RELCH: variants seen among roughly 807,000 people sequenced by gnomAD.
RELCH encodes RAB11 binding and LisH domain, coiled-coil and HEAT repeat containing.
A neutral mutation model predicts 150.3 loss-of-function variants in RELCH; 41 were observed. The observed-to-expected ratio is 0.27, with a 90% CI of 0.21 to 0.35. RELCH has a LOEUF of 0.35. Ranked by LOEUF, RELCH falls within the 10% of genes least tolerant of loss-of-function variation. RELCH has a pLI of 1.00. For synonymous variants in RELCH, 478 were observed against 531.8 expected (o/e 0.90, Z 1.39); for missense variants, 1,092 against 1,467.8 (o/e 0.74, Z 4.18).
At position 62,221,288 on chromosome 18, in the gene RELCH, G is replaced by A; in HGVS notation, c.744+14G>A. 1 of 1,598,452 alleles carries A rather than the reference G, an allele frequency of 6.3e-7. No individual in the cohort carries two copies. The highest frequency in any genetic ancestry group is 8.6e-7 in the Non-Finnish European group (1 of 1,166,390). Reference sequence around the variant, plus strand: ...CCTGAAATTCAGGTGGGTGACAGAAGACAAATGTAAAATTAATCTTCCACA... The same window carrying A: ...CCTGAAATTCAGGTGGGTGACAGAAAACAAATGTAAAATTAATCTTCCACA... On this transcript the variant is annotated intron_variant, in intron 4 of 28. Coordinates refer to ENST00000644646, the MANE Select transcript of RELCH (RefSeq NM_001346231.2).
intron 27 of RELCH, among the ~76,000 whole-genome samples, chr18:62,294,945 T>C (rs1037936597): frequency 1.3e-5 from 2 of 152,210 alleles, no homozygotes; most frequent in Non-Finnish European, 2.9e-5. Context: ...GTGCCTGTTA[T>C]TGGGGAACAT....
chr18:62,233,235 C>T (rs1712765768), intron 10 of RELCH, among the ~76,000 whole-genome samples: 1 of 151,446 alleles, frequency 6.6e-6, no homozygotes, highest in South Asian at 2.1e-4. Flanking sequence ...TTATTGAACT[C>T]TTTGAGATAA....
At chr18:62,299,535 C>T (rs751447282) in intron 28 of RELCH, among the ~76,000 whole-genome samples, 1 of 152,126 alleles carries the variant, frequency 6.6e-6, no homozygotes, top group Non-Finnish European at 1.5e-5. Context: ...CGCATACGCT[C>T]CTCCCTATTC....
At chr18:62,290,125 T>G (rs1318160495) in intron 26 of RELCH, among the ~76,000 whole-genome samples, 1 of 152,206 alleles carries the variant, frequency 6.6e-6, no homozygotes, top group Non-Finnish European at 1.5e-5. Context: ...CTGTGAACAA[T>G]TTTTATTTAT....
chr18:62,254,508 A>AG (rs1392726446), intron 12 of RELCH, among the ~76,000 whole-genome samples: 2 of 68,298 alleles, frequency 2.9e-5, no homozygotes, highest in African/African-American at 9.3e-5. Flanking sequence ...GTTGACATTC[A>AG]AACATTCTAC....
At chr18:62,284,662 CA>C (rs2044699039) in intron 25 of RELCH, among the ~76,000 whole-genome samples, 1 of 152,008 alleles carries the variant, frequency 6.6e-6, no homozygotes, top group African/African-American at 2.4e-5. Flanking sequence ...TATTTATAGA[CA>C]ATTGGCTTTG....
intron 23 of RELCH, 62 bp from the exon 24 acceptor site, chr18:62,280,584 A>G: frequency 7.4e-7 from 1 of 1,358,174 alleles, no homozygotes; most frequent in Admixed American, 1.7e-5. Flanking sequence ...TTTAATATAC[A>G]TTTTAATAAT....
At chr18:62,287,256 T>G (rs1412889942) in intron 25 of RELCH, 95 bp from the exon 26 acceptor site, 2 of 684,814 alleles carry the variant, frequency 2.9e-6, no homozygotes, top group Non-Finnish European at 5.2e-6. Context: ...AAAATGAAAT[T>G]TCATAAATTA....
intron 25 of RELCH, among the ~76,000 whole-genome samples, chr18:62,283,516 C>T (rs76645136): frequency 0.017 from 2,602 of 152,148 alleles, 88 homozygotes; most frequent in East Asian, 0.13. Context: ...TCCAGGCTGG[C>T]ATATGACTCT....
intron 2 of RELCH, among the ~76,000 whole-genome samples, chr18:62,217,085 T>C (rs1430163698): frequency 6.6e-6 from 1 of 152,014 alleles, no homozygotes; most frequent in African/African-American, 2.4e-5. Context: ...AAAGAATACA[T>C]CATTGTGGTG....
chr18:62,279,599 A>G (rs888078286), intron 22 of RELCH, among the ~76,000 whole-genome samples, 175 bp from the exon 23 acceptor site: 2 of 152,180 alleles, frequency 1.3e-5, no homozygotes, highest in African/African-American at 2.4e-5. Context: ...TTTCCTCCTA[A>G]GCATTCTCTG....
At chr18:62,260,702 T>C (rs1437758455) in intron 15 of RELCH, among the ~76,000 whole-genome samples, 1 of 151,756 alleles carries the variant, frequency 6.6e-6, no homozygotes, top group Non-Finnish European at 1.5e-5. Flanking sequence ...ATAAAGAAAA[T>C]ATGGTATATA....
At chr18:62,233,043 G>T (rs1373030981) in intron 10 of RELCH, among the ~76,000 whole-genome samples, 1 of 151,638 alleles carries the variant, frequency 6.6e-6, no homozygotes, top group Non-Finnish European at 1.5e-5. Flanking sequence ...AAATACATTT[G>T]CAAATATATT....
chr18:62,291,641 T>C lies in RELCH; in HGVS notation c.3459+10T>C. On this transcript the variant is annotated intron_variant, in intron 27 of 28. Coordinates refer to ENST00000644646, the MANE Select transcript of RELCH (RefSeq NM_001346231.2). Reference sequence around the variant, plus strand: ...CTCTCCAGAGCATGAGGTGAGCCACTGTGATTACCAGTGCCATATTCATGT... The same window carrying C: ...CTCTCCAGAGCATGAGGTGAGCCACCGTGATTACCAGTGCCATATTCATGT... The C allele has an allele frequency of 6.4e-7, 1 of 1,559,574 alleles. No individual in the cohort carries two copies. The highest frequency in any genetic ancestry group is 8.8e-7 in the Non-Finnish European group (1 of 1,134,780).
At chr18:62,281,759 A>C (rs2044529996) in intron 24 of RELCH, among the ~76,000 whole-genome samples, 1 of 152,240 alleles carries the variant, frequency 6.6e-6, no homozygotes, top group African/African-American at 2.4e-5. Context: ...AGTTACAGAA[A>C]GAATATTTTC....
chr18:62,258,435 T>G, intron 14 of RELCH, 77 bp from the exon 15 acceptor site: 1 of 1,239,630 alleles, frequency 8.1e-7, no homozygotes, highest in Non-Finnish European at 1.1e-6. Flanking sequence ...TATTGAAATT[T>G]TTATTACTTT....
At chr18:62,234,429 T>G (rs2041768260) in intron 10 of RELCH, among the ~76,000 whole-genome samples, 1 of 151,824 alleles carries the variant, frequency 6.6e-6, no homozygotes, top group Admixed American at 6.6e-5. Context: ...GCATTAAATC[T>G]ACATTTTTAT....
At chr18:62,224,042 A>G (rs1021466858) in intron 5 of RELCH, among the ~76,000 whole-genome samples, 1 of 152,176 alleles carries the variant, frequency 6.6e-6, no homozygotes, top group African/African-American at 2.4e-5. Context: ...ATAGGTATAC[A>G]TGTGCCATGT....
At chr18:62,292,346 A>C (rs528227834) in intron 27 of RELCH, among the ~76,000 whole-genome samples, 1 of 149,644 alleles carries the variant, frequency 6.7e-6, no homozygotes, top group African/African-American at 2.5e-5. Context: ...CTGATTCAAA[A>C]CTCCTGTGGC....
Sources: gnomAD v4.1 joint callset for allele counts (sites outside exome capture counted in the v4.1 genomes callset) on GRCh38, gnomAD v4.1.1 for gene constraint, MANE v1.5 for transcripts, NCBI Gene and HGNC (gene_info 2026-07-23, HGNC 2026-07-21) for gene names.